The following KDM4C variants were observed in gnomAD, a reference collection of about 807,000 sequenced individuals.
KDM4C encodes the protein lysine-specific demethylase 4C.
KDM4C carries 81 observed loss-of-function variants against 129.3 expected under a neutral mutation model. The ratio of observed to expected loss-of-function variants is 0.63; its 90% CI spans 0.52 to 0.75. The LOEUF is 0.75. KDM4C is among the 30% of genes least tolerant of loss of function. KDM4C has a pLI of 0.00. For missense variants in KDM4C, 1,457 were observed against 1,304.0 expected (o/e 1.12, Z -1.81); for synonymous variants, 573 against 456.1 (o/e 1.26, Z -3.26).
At chr9:6,835,528 C>G in intron 4 of KDM4C, 6 of 1,504,052 alleles carry the variant, frequency 4.0e-6, no homozygotes, top group Non-Finnish European at 5.6e-6. Flanking sequence ...GATCAGCAAG[C>G]AGGAGTATGA....
chr9:6,958,946 C>G (rs1231078597), intron 8 of KDM4C, among the ~76,000 whole-genome samples: 1 of 152,076 alleles, frequency 6.6e-6, no homozygotes, highest in Non-Finnish European at 1.5e-5. Context: ...CCATGCCCAG[C>G]CTATGTGTAA....
chr9:6,751,947 G>T (rs1818074687), intron 1 of KDM4C, among the ~76,000 whole-genome samples: 1 of 152,116 alleles, frequency 6.6e-6, no homozygotes, highest in African/African-American at 2.4e-5. Context: ...ATTTTGTTCT[G>T]CAGAAGAAAG....
intron 8 of KDM4C, among the ~76,000 whole-genome samples, chr9:6,902,492 A>G (rs1817577742): frequency 6.6e-6 from 1 of 152,140 alleles, no homozygotes; most frequent in Non-Finnish European, 1.5e-5. Flanking sequence ...ACCTGGGGCA[A>G]ATGACATGTT....
chr9:6,954,520 T>C (rs1828732956), intron 8 of KDM4C, among the ~76,000 whole-genome samples: 1 of 152,194 alleles, frequency 6.6e-6, no homozygotes, highest in Non-Finnish European at 1.5e-5. Context: ...CTGTTCACGA[T>C]GTGTTAGCCT....
intron 2 of KDM4C, among the ~76,000 whole-genome samples, chr9:6,796,697 T>C (rs1036029458): frequency 6.6e-6 from 1 of 152,214 alleles, no homozygotes; most frequent in Non-Finnish European, 1.5e-5. Context: ...TTGAGACTCA[T>C]TGACAAAGTT....
At chr9:7,097,662 G>C (rs1411807245) in intron 17 of KDM4C, among the ~76,000 whole-genome samples, 1 of 152,160 alleles carries the variant, frequency 6.6e-6, no homozygotes, top group Non-Finnish European at 1.5e-5. Context: ...AGGCTCACAT[G>C]CTGCCTCGCC....
intron 3 of KDM4C, among the ~76,000 whole-genome samples, chr9:6,808,536 A>C (rs1275413874): frequency 2.0e-5 from 3 of 147,912 alleles, no homozygotes; most frequent in African/African-American, 5.1e-5. Context: ...AATCTCAAGT[A>C]ATCAGGGACA....
chr9:7,092,225 C>T (rs930160479), intron 17 of KDM4C, among the ~76,000 whole-genome samples: 1 of 152,064 alleles, frequency 6.6e-6, no homozygotes, highest in Admixed American at 6.5e-5. Context: ...CATTAATCAC[C>T]ACAGTAATCC....
chr9:6,818,154 A>G (rs1273796009), intron 4 of KDM4C, among the ~76,000 whole-genome samples: 6 of 152,148 alleles, frequency 3.9e-5, no homozygotes, highest in African/African-American at 9.7e-5. Context: ...ATGCGTGTTC[A>G]TGTTTACCAC....
At chr9:7,040,063 G>T (rs549149022) in intron 15 of KDM4C, among the ~76,000 whole-genome samples, 1 of 152,064 alleles carries the variant, frequency 6.6e-6, no homozygotes, top group East Asian at 1.9e-4. Context: ...TGTTATAAGT[G>T]GTTGCCAAAA....
intron 8 of KDM4C, among the ~76,000 whole-genome samples, chr9:6,935,540 C>A: frequency 6.6e-6 from 1 of 151,662 alleles, no homozygotes; most frequent in Admixed American, 6.6e-5. Context: ...GCCTTGGCCT[C>A]CCAAGTAGCT....
chr9:6,803,945 C>G (rs965003231), intron 2 of KDM4C, among the ~76,000 whole-genome samples: 1 of 152,052 alleles, frequency 6.6e-6, no homozygotes, highest in African/African-American at 2.4e-5. Flanking sequence ...GCCTCAGCCT[C>G]TCGAGTACCT....
At chr9:6,797,598 G>A (rs1393555638) in intron 2 of KDM4C, among the ~76,000 whole-genome samples, 3 of 152,132 alleles carry the variant, frequency 2.0e-5, no homozygotes, top group African/African-American at 4.8e-5. Context: ...ATATGAAGTG[G>A]GTGAAATTGG....
At chr9:6,970,224 A>G (rs899617069) in intron 8 of KDM4C, among the ~76,000 whole-genome samples, 3 of 152,252 alleles carry the variant, frequency 2.0e-5, no homozygotes, top group African/African-American at 7.2e-5. Flanking sequence ...TAAAAAGATT[A>G]AATAATGAGT....
At chr9:7,139,331 A>T (rs1408813201) in intron 19 of KDM4C, among the ~76,000 whole-genome samples, 2 of 152,232 alleles carry the variant, frequency 1.3e-5, no homozygotes, top group African/African-American at 4.8e-5. Context: ...GTGTTATATT[A>T]TCATTCTTTT....
At chr9:6,844,623 T>C (rs915683754) in intron 4 of KDM4C, among the ~76,000 whole-genome samples, 2 of 152,238 alleles carry the variant, frequency 1.3e-5, no homozygotes, top group Non-Finnish European at 2.9e-5. Flanking sequence ...CTGTCAGCAC[T>C]GTGACTGTCT....
At chr9:6,731,002 C>T (rs962186761) in intron 1 of KDM4C, among the ~76,000 whole-genome samples, 1 of 152,210 alleles carries the variant, frequency 6.6e-6, no homozygotes, top group Non-Finnish European at 1.5e-5. Context: ...CAGAGTCCTT[C>T]TCAGGCCATC....
chr9:7,104,007 G>A (rs936420906), intron 18 of KDM4C, 137 bp downstream of exon 18: 7 of 776,508 alleles, frequency 9.0e-6, no homozygotes, highest in Non-Finnish European at 1.4e-5. Context: ...AGTTCCTTGA[G>A]GGCAGGGATT....
chr9:6,847,115 G>A (rs754189248), intron 4 of KDM4C, among the ~76,000 whole-genome samples: 17 of 152,168 alleles, frequency 1.1e-4, no homozygotes, highest in Non-Finnish European at 4.4e-5. Flanking sequence ...ATAAAACTTA[G>A]ATGTCTCCAT....
Sources: gnomAD v4.1 joint callset for allele counts (sites outside exome capture counted in the v4.1 genomes callset) on GRCh38, gnomAD v4.1.1 for gene constraint, MANE v1.5 for transcripts, NCBI Gene and HGNC (gene_info 2026-07-23, HGNC 2026-07-21) for gene names.